The following STEAP1B variants were observed in gnomAD, a reference collection of about 807,000 sequenced individuals.
The protein encoded by STEAP1B is STEAP family member 1B.
In STEAP1B, 13 loss-of-function variants were observed where a neutral mutation model predicts 27.9. The observed-to-expected ratio is 0.47, with a 90% confidence interval of 0.30 to 0.74. STEAP1B has a LOEUF of 0.74. Among genes scored for constraint, STEAP1B ranks in the 30% least tolerant of loss-of-function variants. The pLI, the probability that STEAP1B is intolerant of heterozygous loss-of-function variation, is 0.06. For missense variants in STEAP1B, 250 were observed against 298.7 expected (o/e 0.84, Z 1.20); for synonymous variants, 86 against 107.1 (o/e 0.80, Z 1.22).
chr7:22,441,447 A>G (rs943983970), intron 4 of STEAP1B, among the ~76,000 whole-genome samples: 8 of 152,190 alleles, frequency 5.3e-5, no homozygotes, highest in African/African-American at 1.9e-4. Context: ...CCATTTACAG[A>G]TGAGAAAATT....
In STEAP1B at chr7:22,419,780, C is replaced by T. The variant is rs1033298640; in HGVS notation, c.*24G>A. ...TGCTCCAAAGCCTCGTTCTCATTTC[C>T]TCTCATGTTACTGGCAGGATCTGTC... On this transcript the variant is annotated 3_prime_UTR_variant, in exon 5 of 5. Coordinates refer to ENST00000678116, the MANE Select transcript of STEAP1B (RefSeq NM_001382447.1). The T allele has an allele frequency of 3.9e-6, 6 of 1,548,596 alleles. No homozygotes were observed. The highest frequency in any genetic ancestry group is 2.7e-5 in the African/African-American group (2 of 72,904).
In STEAP1B at chr7:22,497,637, C is replaced by CT. The variant is rs1271827621; in HGVS notation, c.-32+2476dup. Among the ~76,000 whole-genome samples, 3 of 152,242 alleles carry CT rather than the reference C, an allele frequency of 2.0e-5. No individual in the cohort carries two copies. The East Asian group carries it at 5.8e-4, about 29-fold the overall frequency. ...TGCCTGCTCTGGAGGAAATGACACTCTATCTCCTTAACAGCATTATTCCAA... is the reference window on the plus strand; with the variant it reads ...TGCCTGCTCTGGAGGAAATGACACTCTTATCTCCTTAACAGCATTATTCCAA... On this transcript the variant is annotated intron_variant, in intron 1 of 4. Coordinates refer to ENST00000678116, the MANE Select transcript of STEAP1B (RefSeq NM_001382447.1).
At chr7:22,487,296 T>C (rs1786226768) in intron 4 of STEAP1B, among the ~76,000 whole-genome samples, 1 of 151,968 alleles carries the variant, frequency 6.6e-6, no homozygotes, top group Admixed American at 6.5e-5. Flanking sequence ...AAGACCCTGT[T>C]TCTAAACAAT....
chr7:22,491,335 C>T (rs1024769091), intron 4 of STEAP1B, among the ~76,000 whole-genome samples: 4 of 152,122 alleles, frequency 2.6e-5, no homozygotes, highest in African/African-American at 9.7e-5. Flanking sequence ...AAATATAAGC[C>T]ATTGTCCTTG....
Position 22,433,146 on chromosome 7 carries a change from A to C in STEAP1B, c.763-13310T>G, listed in dbSNP as rs549006589. Among the ~76,000 whole-genome samples the C allele has an allele frequency of 7.2e-5, 11 of 152,328 alleles. No homozygotes were observed. In the East Asian group the frequency reaches 1.9e-3, roughly 27 times the overall value. On this transcript the variant is annotated intron_variant, in intron 4 of 4. Coordinates refer to ENST00000678116, the MANE Select transcript of STEAP1B (RefSeq NM_001382447.1). ...TAAATGAGTTATTTCACCAAAAAAA[A>C]ACAAAACAAAACCCAAAATCAAAAA...
intron 4 of STEAP1B, among the ~76,000 whole-genome samples, chr7:22,435,508 A>G (rs1019872992): frequency 1.3e-5 from 2 of 152,242 alleles, no homozygotes; most frequent in African/African-American, 4.8e-5. Flanking sequence ...ACCCTCCATC[A>G]GTAAATTTTT....
chr7:22,471,933 A>G (rs1475509641), intron 4 of STEAP1B, among the ~76,000 whole-genome samples: 1 of 150,974 alleles, frequency 6.6e-6, no homozygotes, highest in East Asian at 1.9e-4. Context: ...TCATATTGCT[A>G]ACGTACATCA....
At position 22,444,309 on chromosome 7, in the gene STEAP1B, G is replaced by A. The variant is rs189039369; in HGVS notation, c.763-24473C>T. Among the ~76,000 whole-genome samples, 87 of 152,326 alleles carry A rather than the reference G, an allele frequency of 5.7e-4. 1 individual carries two copies. The highest frequency in any genetic ancestry group is 6.8e-3 in the Middle Eastern group (2 of 294). ...CACACAGCACTGTGCAAGGCAGCTT[G>A]AGAGGGCGTGAGCAGGATTGGTGAG... is the stretch of plus-strand genomic sequence containing the variant. On this transcript the variant is annotated intron_variant, in intron 4 of 4. Coordinates refer to ENST00000678116, the MANE Select transcript of STEAP1B (RefSeq NM_001382447.1).
chr7:22,442,205 A>AC (rs1785344326), intron 4 of STEAP1B, among the ~76,000 whole-genome samples: 1 of 152,238 alleles, frequency 6.6e-6, no homozygotes, highest in South Asian at 2.1e-4. Flanking sequence ...GGAAGTGCCT[A>AC]CCACACAGCT....
At chr7:22,486,565 C>T (rs893497062) in intron 4 of STEAP1B, among the ~76,000 whole-genome samples, 2 of 152,032 alleles carry the variant, frequency 1.3e-5, no homozygotes, top group Admixed American at 6.6e-5. Context: ...CTGCAGTCTA[C>T]AGCTTGATTC....
rs577980956 is a variant in STEAP1B at position 22,452,316 on chromosome 7, A to G, written c.763-32480T>C. Among the ~76,000 whole-genome samples the G allele has an allele frequency of 5.9e-5, 9 of 152,264 alleles. No homozygotes were observed. In the South Asian group the frequency reaches 1.9e-3, roughly 32 times the overall value. On this transcript the variant is annotated intron_variant, in intron 4 of 4. Coordinates refer to ENST00000678116, the MANE Select transcript of STEAP1B (RefSeq NM_001382447.1). ...GAAATGAACGCTCCTGAGACCCTCC[A>G]CACTCCAATTTGCTCATATTTGTGT...
intron 4 of STEAP1B, among the ~76,000 whole-genome samples, chr7:22,449,085 C>T (rs1323569038): frequency 4.0e-5 from 6 of 151,606 alleles, no homozygotes; most frequent in Non-Finnish European, 2.9e-5. Context: ...ATGTGATAAT[C>T]ACATAATGGA....
At chr7:22,488,013 T>A (rs1336111580) in intron 4 of STEAP1B, among the ~76,000 whole-genome samples, 1 of 152,070 alleles carries the variant, frequency 6.6e-6, no homozygotes, top group Non-Finnish European at 1.5e-5. Flanking sequence ...CTAACCCATT[T>A]GTGAGGTTGA....
At chr7:22,484,230 G>C (rs1583351696) in intron 4 of STEAP1B, among the ~76,000 whole-genome samples, 2 of 152,228 alleles carry the variant, frequency 1.3e-5, no homozygotes, top group Non-Finnish European at 2.9e-5. Context: ...TGCCATCTAG[G>C]AGAAGTTCAT....
At chr7:22,465,212 G>C (rs932130830) in intron 4 of STEAP1B, among the ~76,000 whole-genome samples, 2 of 151,770 alleles carry the variant, frequency 1.3e-5, no homozygotes, top group Non-Finnish European at 2.9e-5. Context: ...CGGATGGTGT[G>C]AGATTTCATC....
At chr7:22,468,355 A>G (rs947830298) in intron 4 of STEAP1B, among the ~76,000 whole-genome samples, 1 of 152,160 alleles carries the variant, frequency 6.6e-6, no homozygotes, top group Non-Finnish European at 1.5e-5. Flanking sequence ...AAACTGAGGA[A>G]AGGAGGCTGA....
rs139301738 is a variant in STEAP1B at position 22,457,274 on chromosome 7, G to A, written c.762+35291C>T. Reference sequence around the variant, plus strand: ...AAAGGGAGTTCTGATTTTTAATTGGGGGTAGAAAAAATAAATTAGGAATTA... The same window carrying A: ...AAAGGGAGTTCTGATTTTTAATTGGAGGTAGAAAAAATAAATTAGGAATTA... On this transcript the variant is annotated intron_variant, in intron 4 of 4. Transcript: ENST00000678116. Among the ~76,000 whole-genome samples the A allele has an allele frequency of 6.2e-3, 935 of 151,966 alleles. 5 individuals carry two copies. Among genetic ancestry groups the A allele is most frequent in the Middle Eastern group, 0.024 (7 of 294 alleles).
At chr7:22,439,482 T>C (rs1282399167) in intron 4 of STEAP1B, among the ~76,000 whole-genome samples, 2 of 152,166 alleles carry the variant, frequency 1.3e-5, no homozygotes, top group Non-Finnish European at 2.9e-5. Flanking sequence ...TTTTGGAAGC[T>C]TATTCTCAGG....
chr7:22,488,109 C>T (rs1319010561), intron 4 of STEAP1B, among the ~76,000 whole-genome samples: 1 of 152,130 alleles, frequency 6.6e-6, no homozygotes, highest in Non-Finnish European at 1.5e-5. Flanking sequence ...AAACAGGTGG[C>T]CAGGCTATTG....
Sources: allele counts gnomAD v4.1 joint callset (sites outside exome capture counted in the v4.1 genomes callset), GRCh38; gene constraint gnomAD v4.1.1; transcripts MANE v1.5; gene names NCBI Gene and HGNC (gene_info 2026-07-23, HGNC 2026-07-21).